Variants in FAM184A observed in about 807,000 individuals in gnomAD.
FAM184A encodes the protein protein FAM184A.
FAM184A carries 99 observed loss-of-function variants against 143.8 expected under a neutral mutation model. That is an observed-to-expected ratio of 0.69 (90% CI 0.58 to 0.81). FAM184A has a LOEUF of 0.81. Ranked by LOEUF, FAM184A falls within the 40% of genes least tolerant of loss-of-function variation. FAM184A has a pLI of 0.00. For synonymous variants in FAM184A, 427 were observed against 446.4 expected, an observed-to-expected ratio of 0.96 and a Z score of 0.55; for missense variants, 1,217 against 1,310.5, an observed-to-expected ratio of 0.93 and a Z score of 1.10.
chr6:119,074,452 A>T (rs1787800345), intron 1 of FAM184A, among the ~76,000 whole-genome samples: 1 of 152,226 alleles, frequency 6.6e-6, no homozygotes, highest in Non-Finnish European at 1.5e-5. Context: ...TTAATAATCA[A>T]ATTGAGACTT....
intron 1 of FAM184A, among the ~76,000 whole-genome samples, chr6:119,146,667 G>A (rs1150130): frequency 0.014 from 2,099 of 152,062 alleles, 43 homozygotes; most frequent in African/African-American, 0.048. Context: ...CTAGGGTTTC[G>A]GTGTCACCAA....
At chr6:118,998,460 T>C (rs1352382469) in intron 9 of FAM184A, among the ~76,000 whole-genome samples, 1 of 152,176 alleles carries the variant, frequency 6.6e-6, no homozygotes, top group Non-Finnish European at 1.5e-5. Flanking sequence ...GGAACTTACA[T>C]GTGAATAGGT....
intron 1 of FAM184A, among the ~76,000 whole-genome samples, chr6:119,075,136 T>C (rs1787827031): frequency 6.6e-6 from 1 of 152,242 alleles, no homozygotes; most frequent in African/African-American, 2.4e-5. Flanking sequence ...ATGCACAATG[T>C]ATTTTCAGAA....
intron 1 of FAM184A, among the ~76,000 whole-genome samples, chr6:119,085,206 A>T (rs1325470500): frequency 6.6e-6 from 1 of 152,164 alleles, no homozygotes; most frequent in Non-Finnish European, 1.5e-5. Flanking sequence ...TTCCCTTTTA[A>T]ATGTAAGTTC....
intron 14 of FAM184A, among the ~76,000 whole-genome samples, chr6:118,968,923 CT>C (rs1783582978): frequency 6.6e-6 from 1 of 152,108 alleles, no homozygotes; most frequent in Non-Finnish European, 1.5e-5. Context: ...AGTTAATCTT[CT>C]CTATAAAATA....
intron 4 of FAM184A, among the ~76,000 whole-genome samples, chr6:119,018,136 T>C (rs1785325925): frequency 6.6e-6 from 1 of 152,160 alleles, no homozygotes; most frequent in Non-Finnish European, 1.5e-5. Flanking sequence ...TATCCCGTGT[T>C]ATGGGAGTAT....
chr6:118,994,019 TCAGGGGCTGTGCACA>T (rs1457833077), intron 9 of FAM184A, among the ~76,000 whole-genome samples: 1 of 152,220 alleles, frequency 6.6e-6, no homozygotes, highest in East Asian at 1.9e-4. Context: ...CAGGGCTTCC[TCAGGGGCTGTGCACA>T]CACTGCCCGC....
chr6:119,128,530 A>T (rs1409499138), intron 1 of FAM184A, among the ~76,000 whole-genome samples: 2 of 152,128 alleles, frequency 1.3e-5, no homozygotes, highest in African/African-American at 4.8e-5. Flanking sequence ...TTGTTTCAAG[A>T]TTATCTTCTG....
At chr6:119,011,275 T>C in intron 6 of FAM184A, 34 bp downstream of exon 6, 1 of 1,578,124 alleles carries the variant, frequency 6.3e-7, no homozygotes, top group Non-Finnish European at 8.6e-7. Flanking sequence ...TATTAAAATC[T>C]ATAACATAGG....
chr6:119,127,453 A>T (rs761049102), intron 1 of FAM184A, among the ~76,000 whole-genome samples: 6 of 152,196 alleles, frequency 3.9e-5, no homozygotes, highest in Admixed American at 2.6e-4. Flanking sequence ...CTTTAGAAAA[A>T]ATATCTAAAC....
At chr6:119,042,058 G>A (rs962822690) in intron 1 of FAM184A, among the ~76,000 whole-genome samples, 27 of 152,138 alleles carry the variant, frequency 1.8e-4, no homozygotes, top group Non-Finnish European at 2.8e-4. Context: ...AAGGGTACCC[G>A]TTAAGACTGG....
intron 11 of FAM184A, among the ~76,000 whole-genome samples, chr6:118,977,700 C>T (rs1329071706): frequency 6.6e-6 from 1 of 152,040 alleles, no homozygotes; most frequent in African/African-American, 2.4e-5. Context: ...GAGGGGAGGA[C>T]TGGGAATATA....
chr6:119,054,266 A>G (rs1786877293), intron 1 of FAM184A, among the ~76,000 whole-genome samples: 1 of 152,236 alleles, frequency 6.6e-6, no homozygotes, highest in South Asian at 2.1e-4. Flanking sequence ...ATTATATACA[A>G]TAATTCAGAA....
rs566541587 is a variant in FAM184A at position 119,022,871 on chromosome 6, T to C, written c.1150+74A>G. ...CCGTCTGGGCGACAGAGCAAGACTC[T>C]GTCTCCAAAAAAATAAATAAATAAA... On this transcript the variant is annotated intron_variant, in intron 3 of 17. Coordinates refer to ENST00000338891, the MANE Select transcript of FAM184A (RefSeq NM_024581.6). 2.3e-5 allele frequency: 36 copies of C among 1,581,318 alleles called. No homozygotes were observed. In the South Asian group the frequency reaches 3.5e-4, roughly 15 times the overall value.
At chr6:119,036,216 CT>C (rs5879480) in intron 1 of FAM184A, among the ~76,000 whole-genome samples, 2 of 149,284 alleles carry the variant, frequency 1.3e-5, no homozygotes, top group Non-Finnish European at 1.5e-5. Flanking sequence ...GGTCCAGTGT[CT>C]TTTTTTTTTT....
intron 13 of FAM184A, 33 bp from the exon 14 acceptor site, chr6:118,974,607 AT>A: frequency 6.5e-7 from 1 of 1,544,958 alleles, no homozygotes; most frequent in Non-Finnish European, 8.8e-7. Context: ...AGAAAATGTT[AT>A]TCTGAAGTCA....
At chr6:119,058,038 T>C (rs1787064552) in intron 1 of FAM184A, 1 of 151,594 alleles carries the variant, frequency 6.6e-6, no homozygotes, top group African/African-American at 2.4e-5. Context: ...TTAATGTTTT[T>C]CCCTATTCCC....
At chr6:119,023,292 C>A (rs576358323) in intron 2 of FAM184A, among the ~76,000 whole-genome samples, 229 of 152,238 alleles carry the variant, frequency 1.5e-3, no homozygotes, top group African/African-American at 5.4e-3. Flanking sequence ...CTAATCCATT[C>A]TAATGTTGCA....
intron 1 of FAM184A, among the ~76,000 whole-genome samples, chr6:119,094,918 A>T (rs2114825346): frequency 6.6e-6 from 1 of 152,300 alleles, no homozygotes; most frequent in Non-Finnish European, 1.5e-5. Context: ...CCCTGGCACC[A>T]CTGGCTGGGG....
Sources: gnomAD v4.1 joint callset for allele counts (sites outside exome capture counted in the v4.1 genomes callset) on GRCh38, gnomAD v4.1.1 for gene constraint, MANE v1.5 for transcripts, NCBI Gene and HGNC (gene_info 2026-07-23, HGNC 2026-07-21) for gene names.